The following PLOD2 variants were observed in gnomAD, a reference collection of about 807,000 sequenced individuals.
PLOD2 encodes the protein procollagen-lysine,2-oxoglutarate 5-dioxygenase 2.
A neutral mutation model predicts 101.0 loss-of-function variants in PLOD2; 65 were observed. That is an observed-to-expected ratio of 0.64 (90% CI 0.53 to 0.79). PLOD2 has a LOEUF of 0.79. Ranked by LOEUF, PLOD2 falls within the 30% of genes least tolerant of loss-of-function variation. The probability of loss-of-function intolerance (pLI) is 0.00; values close to 1 mark genes in which losing one functional copy is unlikely to be tolerated. For synonymous variants in PLOD2, 314 were observed against 302.9 expected (o/e 1.04, Z -0.38); for missense variants, 909 against 914.6 (o/e 0.99, Z 0.08).
rs145156390 is a variant in PLOD2 at position 146,149,000 on chromosome 3, C to G, written c.109+11881G>C. 4.0e-3 allele frequency among the ~76,000 whole-genome samples: 603 copies of G among 152,324 alleles called. 1 individual carries two copies. The highest frequency in any genetic ancestry group is 0.014 in the African/African-American group (580 of 41,560). On this transcript the variant is annotated intron_variant, in intron 1 of 19. Coordinates refer to ENST00000282903, the MANE Select transcript of PLOD2 (RefSeq NM_182943.3). ...ACAGAAATAAATCCCAAGGATGAAA[C>G]TACCCAAACCAAATTTCTGTTCAGG...
At chr3:146,156,036 T>C (rs2032290924) in intron 1 of PLOD2, among the ~76,000 whole-genome samples, 1 of 152,222 alleles carries the variant, frequency 6.6e-6, no homozygotes, top group South Asian at 2.1e-4. Flanking sequence ...TAGCCATCAG[T>C]GTTTTTAATT....
chr3:146,087,567 T>C (rs548829103), intron 9 of PLOD2, among the ~76,000 whole-genome samples: 154 of 151,994 alleles, frequency 1.0e-3, no homozygotes, highest in Non-Finnish European at 1.3e-3. Context: ...CATTAGAGCA[T>C]TTCAGAGATT....
chr3:146,107,730 G>A lies in PLOD2; in HGVS notation c.503-1086C>T, dbSNP rs1396268693. On this transcript the variant is annotated intron_variant, in intron 4 of 19. Coordinates refer to ENST00000282903, the MANE Select transcript of PLOD2 (RefSeq NM_182943.3). ...TGGCTCACTGCAACCTATGCCTCCC[G>A]AGTTCCCCTCCGCCTTCCACCTCCT... Among the ~76,000 whole-genome samples, 4 of 137,612 alleles carry A rather than the reference G, an allele frequency of 2.9e-5. No individual in the cohort carries two copies. In the East Asian group the frequency reaches 9.2e-4, roughly 32 times the overall value. 90.3% of individuals were successfully genotyped at this position (137,612 alleles called of 152,430 possible).
At chr3:146,159,504 A>T (rs188675781) in intron 1 of PLOD2, among the ~76,000 whole-genome samples, 23 of 152,344 alleles carry the variant, frequency 1.5e-4, no homozygotes, top group Non-Finnish European at 2.9e-4. Flanking sequence ...TTTCCCAGTT[A>T]AAGTCTCCTT....
At chr3:146,095,879 T>TAC (rs1937133374) in intron 7 of PLOD2, among the ~76,000 whole-genome samples, 2 of 116,364 alleles carry the variant, frequency 1.7e-5, no homozygotes, top group Non-Finnish European at 3.6e-5. Context: ...CTCTCCCCTC[T>TAC]CCCCTCTCCC....
chr3:146,160,245 G>A (rs1307945509), intron 1 of PLOD2, among the ~76,000 whole-genome samples: 1 of 152,196 alleles, frequency 6.6e-6, no homozygotes, highest in African/African-American at 2.4e-5. Flanking sequence ...TTCTGAAAAC[G>A]AGAGACAGCA....
intron 9 of PLOD2, 35 bp downstream of exon 9, chr3:146,088,551 T>C: frequency 3.5e-6 from 5 of 1,410,926 alleles, no homozygotes; most frequent in Non-Finnish European, 5.0e-6. Flanking sequence ...CCAAAAATAG[T>C]TTTGACATAA....
intron 1 of PLOD2, among the ~76,000 whole-genome samples, chr3:146,145,746 C>T (rs1438739572): frequency 6.6e-6 from 1 of 152,088 alleles, no homozygotes; most frequent in African/African-American, 2.4e-5. Flanking sequence ...TCCTTCCTTC[C>T]TTAATGAGCC....
chr3:146,139,988 G>A (rs919004669), intron 1 of PLOD2, among the ~76,000 whole-genome samples: 6 of 152,042 alleles, frequency 3.9e-5, no homozygotes, highest in African/African-American at 1.4e-4. Context: ...CTTCAAGACT[G>A]CTCCACAAAA....
chr3:146,076,645 T>C (rs1936349478), intron 15 of PLOD2, 137 bp downstream of exon 15: 3 of 587,860 alleles, frequency 5.1e-6, no homozygotes, highest in Non-Finnish European at 9.2e-6. Flanking sequence ...TGAGACAGTA[T>C]CTCATTGTGG....
chr3:146,112,496 C>T (rs904308850), intron 3 of PLOD2, among the ~76,000 whole-genome samples: 10 of 151,654 alleles, frequency 6.6e-5, no homozygotes, highest in African/African-American at 1.7e-4. Context: ...TGGAGTTTGT[C>T]GGTGGGCGGG....
chr3:146,120,838 C>G (rs1289205004), intron 3 of PLOD2, among the ~76,000 whole-genome samples: 1 of 152,102 alleles, frequency 6.6e-6, no homozygotes, highest in Non-Finnish European at 1.5e-5. Flanking sequence ...TTCTCTGCCT[C>G]AGCCTCCCAA....
chr3:146,094,010 C>A (rs966919926), intron 7 of PLOD2, among the ~76,000 whole-genome samples: 1 of 152,126 alleles, frequency 6.6e-6, no homozygotes, highest in African/African-American at 2.4e-5. Flanking sequence ...ACCATCACCA[C>A]CCCCCATTTA....
intron 7 of PLOD2, among the ~76,000 whole-genome samples, chr3:146,096,559 G>A (rs1383486047): frequency 1.1e-5 from 1 of 92,398 alleles, no homozygotes; most frequent in Non-Finnish European, 2.2e-5. Context: ...TGTGAGGAGC[G>A]CCTCTGCTGG....
chr3:146,127,415 C>A (rs770312294), intron 1 of PLOD2, among the ~76,000 whole-genome samples: 1 of 152,032 alleles, frequency 6.6e-6, no homozygotes, highest in African/African-American at 2.4e-5. Flanking sequence ...CACTTATAAG[C>A]GAGAACACGT....
chr3:146,110,502 C>T (rs1217427960), intron 3 of PLOD2, 54 bp from the exon 4 acceptor site: 2 of 1,430,186 alleles, frequency 1.4e-6, no homozygotes, highest in African/African-American at 2.8e-5. Context: ...AATCTAGGCA[C>T]ATAAACCATG....
chr3:146,085,373 T>C (rs1156270601), intron 10 of PLOD2, 100 bp from the exon 11 acceptor site: 1 of 709,776 alleles, frequency 1.4e-6, no homozygotes, highest in Non-Finnish European at 2.6e-6. Flanking sequence ...AATATGGTTC[T>C]CTAGCATACT....
chr3:146,145,670 T>C (rs1184327142), intron 1 of PLOD2, among the ~76,000 whole-genome samples: 1 of 152,194 alleles, frequency 6.6e-6, no homozygotes, highest in Non-Finnish European at 1.5e-5. Context: ...ACAGTTATGG[T>C]AGTCCACAAA....
intron 1 of PLOD2, among the ~76,000 whole-genome samples, chr3:146,150,067 T>C (rs2031986409): frequency 2.6e-5 from 4 of 152,130 alleles, no homozygotes; most frequent in Admixed American, 2.6e-4. Context: ...TAGCAAGATA[T>C]CAAAGAAGTC....
Sources: gnomAD v4.1 joint callset for allele counts (sites outside exome capture counted in the v4.1 genomes callset) on GRCh38, gnomAD v4.1.1 for gene constraint, MANE v1.5 for transcripts, NCBI Gene and HGNC (gene_info 2026-07-23, HGNC 2026-07-21) for gene names.